C16orf96: variants seen among roughly 807,000 people sequenced by gnomAD.
C16orf96 encodes the protein uncharacterized protein C16orf96.
Under a neutral mutation model 103.6 loss-of-function variants are expected in C16orf96, and 108 were observed. That is an observed-to-expected ratio of 1.04 (90% CI 0.89 to 1.22). C16orf96 has a LOEUF of 1.22. Ranked by LOEUF, C16orf96 falls within the 50% of genes most tolerant of loss-of-function variation. The pLI is 0.00. For synonymous variants in C16orf96, 566 were observed against 593.5 expected (o/e 0.95, Z 0.67); for missense variants, 1,586 against 1,464.2 (o/e 1.08, Z -1.36).
chr16:4,541,792 G>A, the C16orf96 span, among the ~76,000 whole-genome samples: 1 of 152,188 alleles, frequency 6.6e-6, no homozygotes, highest in African/African-American at 2.4e-5. Context: ...GCAGGCAATT[G>A]AGTTCAATTG....
chr16:4,548,876 CA>C, the C16orf96 span, among the ~76,000 whole-genome samples: 218 of 133,026 alleles, frequency 1.6e-3, no homozygotes, highest in African/African-American at 5.8e-3. Context: ...GTGAGACTCT[CA>C]AAAAAAAAAA....
At position 4,575,491 on chromosome 16, in the gene C16orf96, A is replaced by ACTGGAG; in HGVS notation, c.1016_1021dup (p.Glu339_Leu340dup). The ACTGGAG allele has an allele frequency of 6.5e-7, 1 of 1,547,546 alleles. No homozygotes were observed. The highest frequency in any genetic ancestry group is 8.7e-7 in the Non-Finnish European group (1 of 1,146,674). ...CACCTGGGACTGAACCTGTGCCAGG[A>ACTGGAG]CTGGAGCTGGGGCTGGAGCTGGAGC... On this transcript the variant is annotated inframe_insertion, in exon 5 of 16. Coordinates refer to ENST00000444310, the MANE Select transcript of C16orf96 (RefSeq NM_001145011.2).
At chr16:4,547,653 C>T in the C16orf96 span, among the ~76,000 whole-genome samples, 3 of 14,726 alleles carry the variant, frequency 2.0e-4, no homozygotes, top group Non-Finnish European at 1.5e-3. Context: ...TCTTTCTTTC[C>T]TTCCTTCCTT....
intron 14 of C16orf96, among the ~76,000 whole-genome samples, chr16:4,597,473 G>C (rs1897197262): frequency 6.6e-6 from 1 of 152,126 alleles, no homozygotes; most frequent in Non-Finnish European, 1.5e-5. Flanking sequence ...TCATCTAGAG[G>C]GAGGGGCTTT....
At chr16:4,582,366 G>A (rs1436725974) in intron 7 of C16orf96, among the ~76,000 whole-genome samples, 1 of 152,030 alleles carries the variant, frequency 6.6e-6, no homozygotes, top group Non-Finnish European at 1.5e-5. Context: ...CTTCCAAGTC[G>A]GGGGGCTGTT....
the C16orf96 span, among the ~76,000 whole-genome samples, chr16:4,549,185 G>C: frequency 6.6e-6 from 1 of 151,936 alleles, no homozygotes; most frequent in Non-Finnish European, 1.5e-5. Flanking sequence ...CATCAAAACA[G>C]AACACCAGGC....
upstream of C16orf96, among the ~76,000 whole-genome samples, chr16:4,554,534 T>G (rs1373458548): frequency 6.6e-6 from 1 of 151,550 alleles, no homozygotes; most frequent in African/African-American, 2.4e-5. Flanking sequence ...GTATATTTTT[T>G]GAAGTAGAGA....
chr16:4,543,205 A>G, the C16orf96 span, among the ~76,000 whole-genome samples: 3 of 152,164 alleles, frequency 2.0e-5, no homozygotes, highest in African/African-American at 7.2e-5. Context: ...GATGTGTAGG[A>G]TTCCCCAGGT....
chr16:4,539,461 A>G, the C16orf96 span, among the ~76,000 whole-genome samples: 3 of 152,244 alleles, frequency 2.0e-5, no homozygotes, highest in South Asian at 4.1e-4. Context: ...ACGCAGGTGG[A>G]TCACTTGAGG....
At chr16:4,594,326 C>A (rs1897122937) in intron 12 of C16orf96, 25 bp from the exon 13 acceptor site, 11 of 1,548,378 alleles carry the variant, frequency 7.1e-6, no homozygotes, top group Non-Finnish European at 9.6e-6. Flanking sequence ...CTCCAGGTCG[C>A]TGCTGACCCA....
chr16:4,586,044 G>C (rs2141746124), intron 7 of C16orf96, among the ~76,000 whole-genome samples: 1 of 152,248 alleles, frequency 6.6e-6, no homozygotes, highest in Non-Finnish European at 1.5e-5. Context: ...CGAATCATTT[G>C]AGGTCAGGAG....
intron 1 of C16orf96, among the ~76,000 whole-genome samples, chr16:4,564,758 C>T (rs974891859): frequency 2.0e-5 from 3 of 152,180 alleles, no homozygotes; most frequent in African/African-American, 7.2e-5. Flanking sequence ...TTTCAGTGAA[C>T]CGAGATCGCG....
chr16:4,597,072 A>C (rs916390254), intron 14 of C16orf96, among the ~76,000 whole-genome samples: 66 of 110,996 alleles, frequency 5.9e-4, no homozygotes, highest in African/African-American at 2.1e-3. Context: ...AGCTTCTAGG[A>C]GATGTATCTT....
intron 1 of C16orf96, among the ~76,000 whole-genome samples, chr16:4,559,550 C>CAA (rs71139641): frequency 1.0e-3 from 80 of 79,768 alleles, no homozygotes; most frequent in Admixed American, 2.2e-3. Context: ...GACTCCATCT[C>CAA]AAAAAAAAAA....
chr16:4,546,071 A>G, the C16orf96 span, among the ~76,000 whole-genome samples: 1 of 151,418 alleles, frequency 6.6e-6, no homozygotes, highest in African/African-American at 2.4e-5. Flanking sequence ...GCTGATCTCG[A>G]ACTCCTGACC....
intron 9 of C16orf96, among the ~76,000 whole-genome samples, chr16:4,590,052 G>A (rs1897022007): frequency 6.6e-6 from 1 of 151,990 alleles, no homozygotes; most frequent in African/African-American, 2.4e-5. Context: ...CCTGAACCCG[G>A]GAGGCAGAGC....
intron 14 of C16orf96, among the ~76,000 whole-genome samples, chr16:4,597,487 C>T (rs570217612): frequency 1.6e-4 from 25 of 152,272 alleles, no homozygotes; most frequent in Middle Eastern, 3.4e-3. Context: ...GGGCTTTCCC[C>T]CTTGGCTCAT....
At chr16:4,547,250 T>C in the C16orf96 span, among the ~76,000 whole-genome samples, 1 of 152,212 alleles carries the variant, frequency 6.6e-6, no homozygotes, top group Non-Finnish European at 1.5e-5. Flanking sequence ...TTCTCCTGCC[T>C]CAGCCTCCCA....
At position 4,600,614 on chromosome 16, in the gene C16orf96, T is replaced by C. The variant is rs1897264254; in HGVS notation, c.*297T>C. 7.4e-6 allele frequency: 3 copies of C among 407,268 alleles called. No homozygotes were observed. Among genetic ancestry groups the C allele is most frequent in the South Asian group, 6.6e-5 (3 of 45,400 alleles). The allele number at this position is 407,268 out of a possible 1,614,324, so 25.2% of individuals were successfully genotyped here. A position where few individuals can be genotyped will look rare whatever the true frequency, so the allele number is the denominator to read the frequency against. ...CCTGAGCCTGGCCCAGAAAGGGTGC[T>C]GGGGCCCTGGATAGAGGGGAGGGGT... On this transcript the variant is annotated 3_prime_UTR_variant, in exon 16 of 16. Coordinates refer to ENST00000444310, the MANE Select transcript of C16orf96 (RefSeq NM_001145011.2).
Sources: gnomAD v4.1 joint callset for allele counts (sites outside exome capture counted in the v4.1 genomes callset) on GRCh38, gnomAD v4.1.1 for gene constraint, MANE v1.5 for transcripts, NCBI Gene and HGNC (gene_info 2026-07-23, HGNC 2026-07-21) for gene names.